CA5A: variants seen among roughly 807,000 people sequenced by gnomAD.
CA5A encodes the protein carbonic anhydrase 5A, mitochondrial.
In CA5A, 28 loss-of-function variants were observed where a neutral mutation model predicts 37.1. The observed-to-expected ratio is 0.75, with a 90% CI of 0.56 to 1.03. The LOEUF is 1.03. Among genes scored for constraint, CA5A ranks in the 50% least tolerant of loss-of-function variants. CA5A has a pLI of 0.00. For synonymous variants in CA5A, 171 were observed against 158.4 expected (o/e 1.08, Z -0.60); for missense variants, 444 against 399.9 (o/e 1.11, Z -0.94).
At chr16:87,895,919 C>T (rs2055795781) in intron 5 of CA5A, among the ~76,000 whole-genome samples, 1 of 152,172 alleles carries the variant, frequency 6.6e-6, no homozygotes, top group African/African-American at 2.4e-5. Flanking sequence ...TCTAGCTGGG[C>T]TGTGAAGGAG....
At chr16:87,893,331 A>G (rs374029865) in intron 5 of CA5A, 3 of 358,686 alleles carry the variant, frequency 8.4e-6, no homozygotes, top group Non-Finnish European at 5.4e-6. Flanking sequence ...GTTTCACCAT[A>G]TTAGTCAGGA....
intron 3 of CA5A, 84 bp from the exon 4 acceptor site, chr16:87,902,604 T>C (rs2055894661): frequency 1.6e-5 from 12 of 771,488 alleles, no homozygotes; most frequent in Non-Finnish European, 2.8e-5. Flanking sequence ...GACCTATGTG[T>C]CCACTTAATC....
At chr16:87,897,839 T>C (rs1014849971) in intron 5 of CA5A, among the ~76,000 whole-genome samples, 2 of 152,192 alleles carry the variant, frequency 1.3e-5, no homozygotes, top group African/African-American at 2.4e-5. Flanking sequence ...CGTGGAGTGA[T>C]TGGAAGATTC....
intron 2 of CA5A, among the ~76,000 whole-genome samples, chr16:87,918,407 C>T (rs1355280663): frequency 6.6e-6 from 1 of 151,892 alleles, no homozygotes; most frequent in African/African-American, 2.4e-5. Context: ...TTTGCTCCCC[C>T]AGCCTTTCCT....
At chr16:87,889,964 C>T (rs971602574) in intron 6 of CA5A, among the ~76,000 whole-genome samples, 11 of 152,290 alleles carry the variant, frequency 7.2e-5, no homozygotes, top group South Asian at 6.2e-4. Flanking sequence ...CCTAGAGTTG[C>T]GCGCATGGTG....
At chr16:87,909,580 G>T (rs2056020715) in intron 2 of CA5A, among the ~76,000 whole-genome samples, 1 of 152,202 alleles carries the variant, frequency 6.6e-6, no homozygotes, top group African/African-American at 2.4e-5. Flanking sequence ...CCCGCGCGGG[G>T]CGCACGCATT....
chr16:87,902,498 G>A lies in CA5A; in HGVS notation c.482C>T (p.Ser161Phe). 3.1e-6 allele frequency: 5 copies of A among 1,597,146 alleles called. No individual in the cohort carries two copies. Among genetic ancestry groups the A allele is most frequent in the Non-Finnish European group, 4.3e-6 (5 of 1,164,644 alleles). ...PAELHLVHWN[S>F]VKYQNYKEAV... ...TTCCTTGTAATTTTGGTATTTCACAGAATTCCAGTGAACTAAATGCAGCTG... is the reference window on the plus strand; with the variant it reads ...TTCCTTGTAATTTTGGTATTTCACAAAATTCCAGTGAACTAAATGCAGCTG... Residue 161 changes from serine (S) to phenylalanine (F), a missense_variant, in exon 4 of 7, where the codon TCT becomes TTT. Coordinates refer to ENST00000649794, the MANE Select transcript of CA5A (RefSeq NM_001739.2).
chr16:87,913,413 C>T (rs1023688935), intron 2 of CA5A, among the ~76,000 whole-genome samples: 14 of 151,684 alleles, frequency 9.2e-5, no homozygotes, highest in Non-Finnish European at 1.9e-4. Flanking sequence ...AGCCATCCTC[C>T]CCTCTCTGCC....
chr16:87,892,900 C>T (rs2055744275), intron 5 of CA5A: 1 of 483,700 alleles, frequency 2.1e-6, no homozygotes, highest in Non-Finnish European at 3.7e-6. Flanking sequence ...GGATGATCCA[C>T]CCGCCTTGGC....
intron 2 of CA5A, among the ~76,000 whole-genome samples, chr16:87,908,987 C>CTTTTT (rs1401643844): frequency 1.7e-5 from 2 of 114,590 alleles, no homozygotes; most frequent in African/African-American, 8.4e-5. Flanking sequence ...CCACACCCGG[C>CTTTTT]TATTTTTTTT....
intron 2 of CA5A, among the ~76,000 whole-genome samples, chr16:87,921,792 A>T (rs1196597903): frequency 6.6e-6 from 1 of 152,160 alleles, no homozygotes; most frequent in Non-Finnish European, 1.5e-5. Flanking sequence ...AGATTCTTGG[A>T]TCTGCCTTGC....
intron 6 of CA5A, 64 bp downstream of exon 6, chr16:87,891,735 C>A: frequency 7.5e-7 from 1 of 1,333,320 alleles, no homozygotes; most frequent in South Asian, 1.7e-5. Context: ...ATCTTAGTGA[C>A]GCTGCCAAGC....
chr16:87,899,537 A>G (rs564914905), intron 5 of CA5A, among the ~76,000 whole-genome samples: 1 of 150,782 alleles, frequency 6.6e-6, no homozygotes, highest in East Asian at 2.0e-4. Context: ...ACCTGACCTC[A>G]AGTGATAAGC....
At chr16:87,903,947 C>T (rs1201703752) in intron 3 of CA5A, among the ~76,000 whole-genome samples, 1 of 152,164 alleles carries the variant, frequency 6.6e-6, no homozygotes, top group Non-Finnish European at 1.5e-5. Context: ...TAAGGCATCA[C>T]TTATCACCCC....
rs1166738665 is a variant in CA5A, at chr16:87,926,839, G to C, written c.249C>G (p.Leu83=). ...DSVYDPQLKP[L]RVSYEAASCL... The stretch of plus-strand genomic sequence containing the variant: ...AGGATGCCGCTTCATAGGAGACCCT[G>C]AGTGGCTTCAGCTGGGGGTCATAGA... The change falls in exon 2 of 7, where the codon CTC becomes CTG. Residue 83 remains leucine, a synonymous_variant. Coordinates refer to ENST00000649794, the MANE Select transcript of CA5A (RefSeq NM_001739.2). 9.3e-6 allele frequency: 15 copies of C among 1,613,854 alleles called. 1 individual carries two copies. In the African/African-American group the frequency reaches 1.9e-4, roughly 20 times the overall value.
At chr16:87,897,804 G>C (rs2055825703) in intron 5 of CA5A, among the ~76,000 whole-genome samples, 1 of 152,188 alleles carries the variant, frequency 6.6e-6, no homozygotes, top group African/African-American at 2.4e-5. Flanking sequence ...GTGTGTGCAA[G>C]ACAGATGAAT....
At position 87,904,655 on chromosome 16, in the gene CA5A, G is replaced by C. The variant is rs2055930760; in HGVS notation, c.459+131C>G. ...GTGGGGCGGCCGACGGTTCTGGTTT[G>C]AGCACTGACAGTCCCAGGCCCCAGG... is the stretch of plus-strand genomic sequence containing the variant. On this transcript the variant is annotated intron_variant, in intron 3 of 6. Transcript: ENST00000649794. The C allele has an allele frequency of 2.7e-5, 17 of 625,520 alleles. No homozygotes were observed. The South Asian group carries it at 3.8e-4, about 14-fold the overall frequency. The allele number at this position is 625,520 out of a possible 1,614,324, so 38.7% of individuals were successfully genotyped here.
rs1465964984 is a variant in CA5A, at chr16:87,936,323, G to C, written c.128C>G (p.Thr43Ser). ...WCSQRSCAWQ[T>S]SNNTLHPLWT... ...GCTCTACTTACAAGTGTTATTGCTG[G>C]TTTGCCATGCACAGGAACGCTGAGA... is the stretch of plus-strand genomic sequence containing the variant. Residue 43 changes from threonine to serine, a missense_variant, in exon 1 of 7, where the codon ACC (threonine) becomes AGC (serine). Physicochemically the swap from Thr to Ser is moderately conservative, Grantham distance 58. Transcript: ENST00000649794. 6.2e-7 allele frequency: 1 copy of C among 1,613,156 alleles called. No individual in the cohort carries two copies. Among genetic ancestry groups the C allele is most frequent in the Non-Finnish European group, 8.5e-7 (1 of 1,179,312 alleles).
intron 3 of CA5A, among the ~76,000 whole-genome samples, chr16:87,903,974 C>A (rs2055919603): frequency 1.3e-5 from 2 of 152,068 alleles, no homozygotes; most frequent in Non-Finnish European, 2.9e-5. Flanking sequence ...ACTACAAAAA[C>A]CAATTCCCAA....
Sources: allele counts gnomAD v4.1 joint callset (sites outside exome capture counted in the v4.1 genomes callset), GRCh38; gene constraint gnomAD v4.1.1; transcripts MANE v1.5; gene names NCBI Gene and HGNC (gene_info 2026-07-23, HGNC 2026-07-21).